The following NOL4 variants were observed in gnomAD, a reference collection of about 807,000 sequenced individuals.
NOL4 encodes the protein cancer/testis antigen 125.
In NOL4, 17 loss-of-function variants were observed where a neutral mutation model predicts 75.9. The observed-to-expected ratio is 0.22, with a 90% CI of 0.15 to 0.34. NOL4 has a LOEUF of 0.34. Ranked by LOEUF, NOL4 falls within the 10% of genes least tolerant of loss-of-function variation. The probability of loss-of-function intolerance (pLI) is 1.00; values close to 1 mark genes in which losing one functional copy is unlikely to be tolerated. For synonymous variants in NOL4, 292 were observed against 289.9 expected (o/e 1.01, Z -0.07); for missense variants, 614 against 793.5 (o/e 0.77, Z 2.72).
intron 9 of NOL4, among the ~76,000 whole-genome samples, chr18:33,898,412 T>A (rs2065547686): frequency 6.6e-6 from 1 of 152,146 alleles, no homozygotes; most frequent in Non-Finnish European, 1.5e-5. Context: ...TGTCTATTTT[T>A]CAGTTTAAAT....
intron 9 of NOL4, among the ~76,000 whole-genome samples, chr18:33,913,286 C>A (rs1443160120): frequency 6.6e-6 from 1 of 152,024 alleles, no homozygotes; most frequent in Non-Finnish European, 1.5e-5. Context: ...AGTACCCTAC[C>A]AATACATTAT....
intron 10 of NOL4, among the ~76,000 whole-genome samples, chr18:33,862,475 G>A (rs2063196665): frequency 6.6e-6 from 1 of 152,132 alleles, no homozygotes. Flanking sequence ...CCATCAGAGT[G>A]AACCGGCAAC....
intron 9 of NOL4, among the ~76,000 whole-genome samples, chr18:33,913,844 G>A (rs980558197): frequency 1.3e-5 from 2 of 152,056 alleles, no homozygotes; most frequent in South Asian, 4.1e-4. Context: ...GTTCCTGGAA[G>A]ATCTCAAAAC....
intron 6 of NOL4, among the ~76,000 whole-genome samples, chr18:33,989,916 A>G (rs2072791217): frequency 6.6e-6 from 1 of 152,104 alleles, no homozygotes; most frequent in East Asian, 1.9e-4. Context: ...TCATGATCAC[A>G]TATCAGAATA....
intron 2 of NOL4, among the ~76,000 whole-genome samples, chr18:34,119,021 T>G (rs1264952993): frequency 6.6e-6 from 1 of 152,184 alleles, no homozygotes; most frequent in Non-Finnish European, 1.5e-5. Context: ...ATATATCAAA[T>G]TATTGGAATT....
intron 5 of NOL4, among the ~76,000 whole-genome samples, chr18:34,022,266 G>A (rs1165039230): frequency 6.6e-6 from 1 of 151,802 alleles, no homozygotes; most frequent in African/African-American, 2.4e-5. Flanking sequence ...GTTAAAATAT[G>A]TTCAAATGGC....
chr18:34,185,627 T>G (rs1172652362), intron 1 of NOL4, among the ~76,000 whole-genome samples: 1 of 152,148 alleles, frequency 6.6e-6, no homozygotes, highest in East Asian at 1.9e-4. Flanking sequence ...CTCTACTCTT[T>G]TCAATTGTGT....
At chr18:33,891,150 C>A (rs1295119434) in intron 9 of NOL4, among the ~76,000 whole-genome samples, 1 of 151,804 alleles carries the variant, frequency 6.6e-6, no homozygotes, top group African/African-American at 2.4e-5. Flanking sequence ...GTAAATCTTG[C>A]CAAAAGATTA....
chr18:34,213,971 C>T (rs988065626), intron 1 of NOL4, among the ~76,000 whole-genome samples: 13 of 152,112 alleles, frequency 8.5e-5, no homozygotes, highest in Admixed American at 7.9e-4. Context: ...ATATAGAATT[C>T]TCCACTTGAG....
chr18:34,143,354 T>A (rs1425990602), intron 1 of NOL4, among the ~76,000 whole-genome samples: 1 of 152,234 alleles, frequency 6.6e-6, no homozygotes, highest in African/African-American at 2.4e-5. Flanking sequence ...ACTCTTACTA[T>A]AAACTTCATA....
chr18:34,041,309 A>G (rs573952703), intron 5 of NOL4, among the ~76,000 whole-genome samples: 1 of 151,906 alleles, frequency 6.6e-6, no homozygotes, highest in African/African-American at 2.4e-5. Context: ...GCCTTGAGCA[A>G]TTGTAACAAA....
chr18:33,972,211 A>AT lies in NOL4; in HGVS notation c.1057-13794dup, dbSNP rs145047318. Among the ~76,000 whole-genome samples, 531 of 152,150 alleles carry AT rather than the reference A, an allele frequency of 3.5e-3. 3 individuals carry two copies. Among genetic ancestry groups the AT allele is most frequent in the African/African-American group, 0.012 (504 of 41,506 alleles). ...AAAAATTTAGTCCAAAGATTAAATC[A>AT]TTTATGGTATGCTGCAATTTTTTAA... is the stretch of plus-strand genomic sequence containing the variant. On this transcript the variant is annotated intron_variant, in intron 6 of 10. Coordinates refer to ENST00000261592, the MANE Select transcript of NOL4 (RefSeq NM_003787.5).
At chr18:33,912,532 A>G (rs1453944295) in intron 9 of NOL4, among the ~76,000 whole-genome samples, 1 of 152,090 alleles carries the variant, frequency 6.6e-6, no homozygotes. Context: ...ATAGAAAAAG[A>G]TAATCTAAAA....
chr18:34,202,243 T>G (rs1021852677), intron 1 of NOL4, among the ~76,000 whole-genome samples: 1 of 151,894 alleles, frequency 6.6e-6, no homozygotes, highest in African/African-American at 2.4e-5. Context: ...ACTAAGATGA[T>G]TAAGGTAAGT....
chr18:34,175,409 C>G (rs916913591), intron 1 of NOL4, among the ~76,000 whole-genome samples: 1 of 152,082 alleles, frequency 6.6e-6, no homozygotes, highest in African/African-American at 2.4e-5. Context: ...AAATAGTAAA[C>G]TAAACAAAAA....
intron 6 of NOL4, among the ~76,000 whole-genome samples, chr18:34,006,443 C>A (rs536905765): frequency 6.6e-6 from 1 of 152,138 alleles, no homozygotes; most frequent in East Asian, 1.9e-4. Flanking sequence ...AGTACCCAAT[C>A]TACTAGCAGC....
intron 6 of NOL4, among the ~76,000 whole-genome samples, chr18:33,973,818 T>C (rs77658166): frequency 0.025 from 3,810 of 152,326 alleles, 60 homozygotes; most frequent in Non-Finnish European, 0.027. Flanking sequence ...TGTACACAGA[T>C]GGGCTGTCAT....
chr18:33,947,455 G>C (rs2068917762), intron 8 of NOL4, among the ~76,000 whole-genome samples: 1 of 151,602 alleles, frequency 6.6e-6, no homozygotes, highest in African/African-American at 2.4e-5. Context: ...TTGGAGATAG[G>C]AATATTTTGA....
intron 1 of NOL4, among the ~76,000 whole-genome samples, chr18:34,192,485 C>T (rs962098541): frequency 6.6e-6 from 1 of 152,154 alleles, no homozygotes; most frequent in African/African-American, 2.4e-5. Flanking sequence ...GTAATAAAAA[C>T]AGTATGGTAC....
Sources: allele counts gnomAD v4.1 joint callset (sites outside exome capture counted in the v4.1 genomes callset), GRCh38; gene constraint gnomAD v4.1.1; transcripts MANE v1.5; gene names NCBI Gene and HGNC (gene_info 2026-07-23, HGNC 2026-07-21).